Variants in PNLIPRP3 observed in about 807,000 individuals in gnomAD.
PNLIPRP3 encodes pancreatic lipase related protein 3, also known as pancreatic lipase-related protein 3.
Under a neutral mutation model 52.8 loss-of-function variants are expected in PNLIPRP3, and 58 were observed. That is an observed-to-expected ratio of 1.10 (90% CI 0.89 to 1.37). The LOEUF is 1.37. Among genes scored for constraint, PNLIPRP3 ranks in the 40% most tolerant of loss-of-function variants. The pLI is 0.00. For synonymous variants in PNLIPRP3, 192 were observed against 185.0 expected (o/e 1.04, Z -0.31); for missense variants, 593 against 561.6 (o/e 1.06, Z -0.57).
intron 10 of PNLIPRP3, among the ~76,000 whole-genome samples, chr10:116,476,151 T>A (rs1846462073): frequency 6.6e-6 from 1 of 152,182 alleles, no homozygotes; most frequent in African/African-American, 2.4e-5. Flanking sequence ...AAATGTCTTT[T>A]GATCACTAGT....
chr10:116,439,829 G>T, intron 2 of PNLIPRP3: 1 of 777,548 alleles, frequency 1.3e-6, no homozygotes, highest in Non-Finnish European at 2.4e-6. Context: ...TTCATTTCCC[G>T]ATCATAGCGC....
Position 116,475,673 on chromosome 10 carries a change from G to A in PNLIPRP3, c.1173-979G>A, listed in dbSNP as rs150192558. The stretch of plus-strand genomic sequence containing the variant: ...ATTCAGCAAATATGTAGGTGCCTAC[G>A]CTGTACCAGGAACTGTTCTAATTGC... On this transcript the variant is annotated intron_variant, in intron 10 of 11. Coordinates refer to ENST00000369230, the MANE Select transcript of PNLIPRP3 (RefSeq NM_001011709.3). Among the ~76,000 whole-genome samples the A allele has an allele frequency of 3.5e-3, 531 of 152,284 alleles. 8 individuals are homozygous for A. The highest frequency in any genetic ancestry group is 1.9e-3 in the Non-Finnish European group (129 of 68,030).
chr10:116,465,491 C>T (rs931461793), intron 7 of PNLIPRP3, among the ~76,000 whole-genome samples: 1 of 151,804 alleles, frequency 6.6e-6, no homozygotes, highest in Non-Finnish European at 1.5e-5. Context: ...GCCGAGATTG[C>T]ACCACTGCAC....
At chr10:116,452,575 C>G (rs1056516162) in intron 4 of PNLIPRP3, among the ~76,000 whole-genome samples, 11 of 152,158 alleles carry the variant, frequency 7.2e-5, no homozygotes, top group African/African-American at 2.7e-4. Flanking sequence ...GTTTCAGAAC[C>G]CAGGCCTAGG....
intron 7 of PNLIPRP3, among the ~76,000 whole-genome samples, chr10:116,465,364 G>A (rs781400999): frequency 1.8e-4 from 28 of 151,990 alleles, no homozygotes; most frequent in African/African-American, 5.6e-4. Context: ...GTGAAACCCC[G>A]TCTCTACTAA....
intron 3 of PNLIPRP3, 42 bp downstream of exon 3, chr10:116,443,216 T>C (rs1424069358): frequency 6.3e-7 from 1 of 1,576,116 alleles, no homozygotes; most frequent in Non-Finnish European, 8.6e-7. Context: ...GCATGCGAGC[T>C]TTATGTTTAA....
chr10:116,477,596 T>C lies in PNLIPRP3; in HGVS notation c.*443T>C, dbSNP rs1184054484. 6.4e-6 allele frequency: 1 copy of C among 155,458 alleles called. No individual in the cohort carries two copies. The highest frequency in any genetic ancestry group is 2.4e-5 in the African/African-American group (1 of 41,488). 9.6% of individuals were successfully genotyped at this position (155,458 alleles called of 1,614,324 possible). ...TGTTAAATCTTGCTGAGACAAATTA[T>C]GACTATAGTGCATGATATATAGTAG... On this transcript the variant is annotated 3_prime_UTR_variant, in exon 12 of 12. Transcript: ENST00000369230.
intron 8 of PNLIPRP3, among the ~76,000 whole-genome samples, chr10:116,468,977 A>G (rs1019421163): frequency 3.3e-5 from 5 of 151,846 alleles, no homozygotes; most frequent in Non-Finnish European, 7.4e-5. Flanking sequence ...TCATCTACCC[A>G]TTTTTCTAAT....
At chr10:116,477,008 A>T in intron 11 of PNLIPRP3, 82 bp from the exon 12 acceptor site, 1 of 1,281,572 alleles carries the variant, frequency 7.8e-7, no homozygotes, top group Non-Finnish European at 1.1e-6. Context: ...AGAATTACTC[A>T]TTAAATCGGG....
chr10:116,444,855 T>A (rs2133123023), intron 4 of PNLIPRP3, among the ~76,000 whole-genome samples: 1 of 152,334 alleles, frequency 6.6e-6, no homozygotes. Flanking sequence ...ATCCTTCAAA[T>A]ATTATTTGTT....
chr10:116,441,767 G>C (rs1204756979), intron 2 of PNLIPRP3, among the ~76,000 whole-genome samples: 2 of 151,994 alleles, frequency 1.3e-5, no homozygotes, highest in Admixed American at 6.6e-5. Context: ...AGTACTTTTT[G>C]GCAAGTTACT....
Position 116,472,603 on chromosome 10 carries a change from A to AT in PNLIPRP3, c.1172+728dup, listed in dbSNP as rs148196373. Reference sequence around the variant, plus strand: ...CACGAAAAGCAGAGATTTTGTGGTTATTTTGTCAGTTGAGAGATGCATCCG... The same window carrying AT: ...CACGAAAAGCAGAGATTTTGTGGTTATTTTTGTCAGTTGAGAGATGCATCCG... On this transcript the variant is annotated intron_variant, in intron 10 of 11. Transcript: ENST00000369230. 2.0e-5 allele frequency among the ~76,000 whole-genome samples: 3 copies of AT among 152,280 alleles called. No homozygotes were observed. In the East Asian group the frequency reaches 5.8e-4, roughly 29 times the overall value.
rs373278290 is a variant in PNLIPRP3 at position 116,435,533 on chromosome 10, C to T, written c.50-1178C>T. The stretch of plus-strand genomic sequence containing the variant: ...GTGAGACAAAGTGAAGAGTGGGATG[C>T]GCTGGGTTATTGAGCTGTTATCTCT... On this transcript the variant is annotated intron_variant, in intron 1 of 11. Transcript: ENST00000369230. 4.0e-5 allele frequency among the ~76,000 whole-genome samples: 6 copies of T among 151,844 alleles called. 1 individual carries two copies. The highest frequency in any genetic ancestry group is 9.7e-5 in the African/African-American group (4 of 41,394).
chr10:116,432,726 T>G (rs1809403643), intron 1 of PNLIPRP3, among the ~76,000 whole-genome samples: 2 of 152,196 alleles, frequency 1.3e-5, no homozygotes, highest in South Asian at 4.1e-4. Context: ...AAAGTCTTAC[T>G]ACTTACACCA....
chr10:116,439,107 A>T (rs1845821241), intron 2 of PNLIPRP3, among the ~76,000 whole-genome samples: 2 of 152,218 alleles, frequency 1.3e-5, no homozygotes. Context: ...GATGGTAGTG[A>T]TAGCTGCATG....
chr10:116,439,460 TTCC>T (rs200520982), intron 2 of PNLIPRP3: 55 of 668,034 alleles, frequency 8.2e-5, no homozygotes, highest in Middle Eastern at 4.4e-4. Context: ...AGTTTCTTTA[TTCC>T]TCCTCCTCCT....
At chr10:116,443,650 GTGTTTATATATATAACACATATA>G (rs1564695400) in intron 3 of PNLIPRP3, among the ~76,000 whole-genome samples, 888 of 4,150 alleles carry the variant, frequency 0.21, 6 homozygotes, top group Middle Eastern at 0.5. Flanking sequence ...TAACACATAT[GTGTTTATATATATAACACATATA>G]TATAAACACA....
At chr10:116,470,968 G>A (rs1173477271) in intron 9 of PNLIPRP3, among the ~76,000 whole-genome samples, 2 of 152,164 alleles carry the variant, frequency 1.3e-5, no homozygotes, top group African/African-American at 4.8e-5. Flanking sequence ...TTTCAGTGGA[G>A]AGACAGCAGG....
chr10:116,476,186 G>T (rs1246875058), intron 10 of PNLIPRP3, among the ~76,000 whole-genome samples: 1 of 152,104 alleles, frequency 6.6e-6, no homozygotes, highest in African/African-American at 2.4e-5. Context: ...CCTTTTATGT[G>T]GTTAAAGAAG....
Sources: allele counts gnomAD v4.1 joint callset (sites outside exome capture counted in the v4.1 genomes callset), GRCh38; gene constraint gnomAD v4.1.1; transcripts MANE v1.5; gene names NCBI Gene and HGNC (gene_info 2026-07-23, HGNC 2026-07-21).